ODAD3: variants seen among roughly 807,000 people sequenced by gnomAD.
ODAD3 encodes the protein outer dynein arm-docking complex subunit 3.
A neutral mutation model predicts 70.9 loss-of-function variants in ODAD3; 57 were observed. The ratio of observed to expected loss-of-function variants is 0.80; its 90% CI spans 0.65 to 1.00. The LOEUF (loss-of-function observed/expected upper bound fraction) is 1.00. Ranked by LOEUF, ODAD3 falls within the 50% of genes least tolerant of loss-of-function variation. The pLI, the probability that ODAD3 is intolerant of heterozygous loss-of-function variation, is 0.00. For missense variants in ODAD3, 797 were observed against 763.9 expected (o/e 1.04, Z -0.51); for synonymous variants, 327 against 315.9 (o/e 1.04, Z -0.37).
chr19:11,424,521 A>ATATATGTGTATATATACCTATG (rs1555721937), intron 7 of ODAD3, among the ~76,000 whole-genome samples: 2 of 138,500 alleles, frequency 1.4e-5, no homozygotes, highest in African/African-American at 6.2e-5. Flanking sequence ...ATGTATATAT[A>ATATATGTGTATATATACCTATG]TGTATATATG....
intron 1 of ODAD3, among the ~76,000 whole-genome samples, chr19:11,433,572 C>G (rs936229169): frequency 5.9e-5 from 9 of 152,220 alleles, no homozygotes; most frequent in Non-Finnish European, 1.3e-4. Flanking sequence ...CTCTTAGTCC[C>G]CCAAGGTTGG....
chr19:11,429,394 TTTTTA>T lies in ODAD3; in HGVS notation c.444+1300_444+1304del, dbSNP rs1431884187. ...GCCTGGCTAATTTTTTGTATTTTTA[TTTTTA>T]TTTTATTTTTTATTTATGTATTTAT... On this transcript the variant is annotated intron_variant, in intron 3 of 12. Coordinates refer to ENST00000356392, the MANE Select transcript of ODAD3 (RefSeq NM_145045.5). 7.3e-4 allele frequency among the ~76,000 whole-genome samples: 111 copies of T among 151,750 alleles called. 1 individual carries two copies. Among genetic ancestry groups the T allele is most frequent in the African/African-American group, 2.6e-3 (106 of 41,416 alleles).
Position 11,422,526 on chromosome 19 carries a change from T to C in ODAD3, c.1379A>G (p.Gln460Arg), listed in dbSNP as rs1969163062. The change falls in exon 10 of 13, where the codon CAA (glutamine) becomes CGA (arginine). Residue 460 changes from glutamine to arginine, a missense_variant. By Grantham distance (43) the Gln-to-Arg change is conservative. Transcript: ENST00000356392. This position sits in a 1 kb window ranked among gnomAD's most constrained non-coding sequence, Gnocchi z 4.6. Reference protein sequence around the residue: ...DQLERALRAMQVAKDSLEHLA... With the variant: ...DQLERALRAMRVAKDSLEHLA... ...GTGCTCCAGGCTGTCCTTGGCCACTTGCATCGCCCGCAAGGCGCGCTCCAG... is the reference window on the plus strand; with the variant it reads ...GTGCTCCAGGCTGTCCTTGGCCACTCGCATCGCCCGCAAGGCGCGCTCCAG... The C allele has an allele frequency of 6.3e-7, 1 of 1,593,064 alleles. No individual in the cohort carries two copies. Among genetic ancestry groups the C allele is most frequent in the Non-Finnish European group, 8.5e-7 (1 of 1,171,582 alleles).
chr19:11,425,305 A>G lies in ODAD3; in HGVS notation c.963+839T>C, dbSNP rs1047407893. On this transcript the variant is annotated intron_variant, in intron 7 of 12. Coordinates refer to ENST00000356392, the MANE Select transcript of ODAD3 (RefSeq NM_145045.5). The stretch of plus-strand genomic sequence containing the variant: ...TATGTACATATGTGTATATATGTGT[A>G]TGTGTACATATGTGTATATGTACAT... 4.3e-4 allele frequency among the ~76,000 whole-genome samples: 56 copies of G among 129,648 alleles called. 1 individual carries two copies. Among genetic ancestry groups the G allele is most frequent in the Non-Finnish European group, 7.4e-4 (46 of 62,354 alleles). 85.1% of individuals were successfully genotyped at this position (129,648 alleles called of 152,430 possible).
chr19:11,427,182 T>C (rs1969399572), intron 3 of ODAD3, 142 bp from the exon 4 acceptor site: 1 of 884,396 alleles, frequency 1.1e-6, no homozygotes, highest in African/African-American at 1.7e-5. Context: ...GGCCACCCCT[T>C]CTGTGTTGTT....
chr19:11,434,790 T>C lies in ODAD3; in HGVS notation c.227A>G (p.Lys76Arg), dbSNP rs1200867145. 9 of 1,613,308 alleles carry C rather than the reference T, an allele frequency of 5.6e-6. No individual in the cohort carries two copies. The highest frequency in any genetic ancestry group is 7.6e-6 in the Non-Finnish European group (9 of 1,179,432). Residue 76 changes from lysine to arginine, a missense_variant, in exon 1 of 13, where the codon AAA (lysine) becomes AGA (arginine). Coordinates refer to ENST00000356392, the MANE Select transcript of ODAD3 (RefSeq NM_145045.5). ...CATCTTACCTAACAGTTGTATCTTT[T>C]TATGTAACTCAGCCACCTGAGAGTG... ...SVHSQVAELH[K>R]KIQLLEGDRK...
chr19:11,421,410 T>C (rs1599451424), intron 11 of ODAD3, among the ~76,000 whole-genome samples, 198 bp from the exon 12 acceptor site: 2 of 152,238 alleles, frequency 1.3e-5, no homozygotes, highest in Admixed American at 1.3e-4. Flanking sequence ...GCCCCTGGTC[T>C]CTGGGGCCCT....
intron 1 of ODAD3, among the ~76,000 whole-genome samples, chr19:11,431,673 G>A (rs1245869122): frequency 6.6e-6 from 1 of 151,108 alleles, no homozygotes; most frequent in Non-Finnish European, 1.5e-5. Context: ...GGTGGCTCAC[G>A]TCCATAATCC....
rs1969177830 is a variant in ODAD3 at position 11,422,979 on chromosome 19, T to G, written c.1117-118A>C. ...GGACAGGTGGCCTGAGCTGGCGCCT[T>G]TTGCACAGCAATGTATGGGGACACT... is the stretch of plus-strand genomic sequence containing the variant. On this transcript the variant is annotated intron_variant, in intron 8 of 12. Transcript: ENST00000356392. This position sits in a 1 kb window ranked among gnomAD's most constrained non-coding sequence, Gnocchi z 4.6. 1.7e-6 allele frequency: 2 copies of G among 1,150,988 alleles called. No homozygotes were observed. Among genetic ancestry groups the G allele is most frequent in the African/African-American group, 3.1e-5 (2 of 64,834 alleles). 71.3% of individuals were successfully genotyped at this position (1,150,988 alleles called of 1,614,324 possible).
intron 7 of ODAD3, among the ~76,000 whole-genome samples, chr19:11,424,529 ATGTATATATGTGTATATATACCTATG>A (rs1969221249): frequency 7.6e-6 from 1 of 132,316 alleles, no homozygotes; most frequent in Non-Finnish European, 1.6e-5. Context: ...ATATGTATAT[ATGTATATATGTGTATATATACCTATG>A]TGTATATATG....
chr19:11,434,460 C>T (rs779290250), intron 1 of ODAD3: 1 of 183,828 alleles, frequency 5.4e-6, no homozygotes, highest in Admixed American at 5.6e-5. Flanking sequence ...ATCGCTTGAA[C>T]CCGGGAGGCG....
chr19:11,426,224 T>G lies in ODAD3; in HGVS notation c.883A>C (p.Lys295Gln), dbSNP rs1454672434. ...YLEETLVRER[K>Q]KRERYISECK... ...TCACTTATGTAGCGTTCCCGCTTCTTGCGCTCTCGAACCAAGGTCTCCTCT... is the reference window on the plus strand; with the variant it reads ...TCACTTATGTAGCGTTCCCGCTTCTGGCGCTCTCGAACCAAGGTCTCCTCT... Residue 295 changes from lysine (K) to glutamine (Q), a missense_variant, in exon 7 of 13, where the codon AAG becomes CAG. Transcript: ENST00000356392. 1.9e-6 allele frequency: 3 copies of G among 1,613,834 alleles called. No homozygotes were observed. In the African/African-American group the frequency reaches 4.0e-5, roughly 22 times the overall value.
chr19:11,434,110 G>A (rs1453406628), intron 1 of ODAD3, among the ~76,000 whole-genome samples: 1 of 152,070 alleles, frequency 6.6e-6, no homozygotes. Context: ...CTAGTCAGGA[G>A]GCTGAGGCTC....
At chr19:11,425,323 ATGTACATATG>A (rs1374010341) in intron 7 of ODAD3, among the ~76,000 whole-genome samples, 1 of 129,678 alleles carries the variant, frequency 7.7e-6, no homozygotes, top group Non-Finnish European at 1.5e-5. Context: ...ATATGTGTAT[ATGTACATATG>A]TGTATATATG....
intron 8 of ODAD3, 22 bp downstream of exon 8, chr19:11,423,855 G>C: frequency 6.3e-7 from 1 of 1,586,714 alleles, no homozygotes; most frequent in Non-Finnish European, 8.6e-7. Context: ...GCGCGGCGGA[G>C]AGGGCTGCGG....
rs375421933 is a variant in ODAD3 at position 11,434,973 on chromosome 19, G to C, written c.44C>G (p.Pro15Arg). 2 of 1,613,414 alleles carry C rather than the reference G, an allele frequency of 1.2e-6. No individual in the cohort carries two copies. The highest frequency in any genetic ancestry group is 1.7e-6 in the Non-Finnish European group (2 of 1,180,042). ...LCRAASANAL[P>R]PQDQASTPSS... ...GGGCGTCGAAGCCTGGTCCTGAGGA[G>C]GCAGGGCGTTGGCGGAGGCCGCCCT... The change falls in exon 1 of 13, where the codon CCT becomes CGT. Residue 15 changes from proline to arginine, a missense_variant. By Grantham distance (103) the Pro-to-Arg change is moderately radical. Coordinates refer to ENST00000356392, the MANE Select transcript of ODAD3 (RefSeq NM_145045.5).
chr19:11,431,084 A>G, intron 1 of ODAD3, 64 bp from the exon 2 acceptor site: 1 of 1,573,718 alleles, frequency 6.4e-7, no homozygotes, highest in Non-Finnish European at 8.6e-7. Flanking sequence ...GCAACATCCC[A>G]GAGGAAAGAC....
intron 1 of ODAD3, 125 bp downstream of exon 1, chr19:11,434,648 A>T (rs1376228654): frequency 1.6e-6 from 2 of 1,212,336 alleles, no homozygotes; most frequent in African/African-American, 1.5e-5. Flanking sequence ...ACATGAACTA[A>T]GTATGAGTTT....
In ODAD3 at chr19:11,421,806, C is replaced by G. The variant is rs1288341142; in HGVS notation, c.1461G>C (p.Glu487Asp). The change falls in exon 11 of 13, where the codon GAG becomes GAC. Residue 487 changes from glutamate to aspartate, a missense_variant. Transcript: ENST00000356392. ...CATAGTTATCTGCCTGGGGATCCAG[C>G]TCCTTTCCCGCGAAGCGGCCGTCCT... ...TVEDGRFAGK[E>D]LDPQADNYVP... The G allele has an allele frequency of 3.1e-6, 5 of 1,612,998 alleles. No individual in the cohort carries two copies. Among genetic ancestry groups the G allele is most frequent in the Non-Finnish European group, 4.2e-6 (5 of 1,179,878 alleles).
Sources: gnomAD v4.1 joint callset for allele counts (sites outside exome capture counted in the v4.1 genomes callset) on GRCh38, gnomAD v4.1.1 for gene constraint, Gnocchi (gnomAD v3.1) non-coding constraint, MANE v1.5 for transcripts, NCBI Gene and HGNC (gene_info 2026-07-23, HGNC 2026-07-21) for gene names.